The following SIPA1L3 variants were observed in gnomAD, a reference collection of about 807,000 sequenced individuals.
The protein encoded by SIPA1L3 is signal-induced proliferation-associated 1-like protein 3.
SIPA1L3 carries 59 observed loss-of-function variants against 150.1 expected under a neutral mutation model. The ratio of observed to expected loss-of-function variants is 0.39; its 90% confidence interval spans 0.32 to 0.49. The LOEUF (loss-of-function observed/expected upper bound fraction) is 0.49. Among genes scored for constraint, SIPA1L3 ranks in the 20% least tolerant of loss-of-function variants. SIPA1L3 has a pLI of 0.86. For missense variants in SIPA1L3, 2,211 were observed against 2,489.5 expected (o/e 0.89, Z 2.38); for synonymous variants, 1,070 against 1,077.6 (o/e 0.99, Z 0.14).
chr19:38,081,318 T>C lies in SIPA1L3; in HGVS notation c.-248T>C. ...GGGCGACCACAGCTACTGCCTGCTCTGCGCTACTGAGCCACTCGGTCTGGA... is the reference window on the plus strand; with the variant it reads ...GGGCGACCACAGCTACTGCCTGCTCCGCGCTACTGAGCCACTCGGTCTGGA... On this transcript the variant is annotated 5_prime_UTR_variant, in exon 3 of 22. Coordinates refer to ENST00000222345, the MANE Select transcript of SIPA1L3 (RefSeq NM_015073.3). 1 of 462,158 alleles carries C rather than the reference T, an allele frequency of 2.2e-6. No homozygotes were observed. 28.6% of individuals were successfully genotyped at this position (462,158 alleles called of 1,614,324 possible). A position where few individuals can be genotyped will look rare whatever the true frequency, so the allele number is the denominator to read the frequency against.
At chr19:37,949,544 A>C (rs2037238079) in intron 1 of SIPA1L3, among the ~76,000 whole-genome samples, 1 of 152,246 alleles carries the variant, frequency 6.6e-6, no homozygotes, top group Admixed American at 6.5e-5. Context: ...GCACGCCTGT[A>C]ATCCCAGCTA....
chr19:38,030,924 A>G (rs1306851635), intron 2 of SIPA1L3, among the ~76,000 whole-genome samples: 1 of 152,090 alleles, frequency 6.6e-6, no homozygotes, highest in Non-Finnish European at 1.5e-5. Flanking sequence ...TGTGGCATTC[A>G]GACCCTGGAT....
Position 38,156,990 on chromosome 19 carries a change from C to G in SIPA1L3, c.3661+4023C>G, listed in dbSNP as rs576489873. On this transcript the variant is annotated intron_variant, in intron 13 of 21. Coordinates refer to ENST00000222345, the MANE Select transcript of SIPA1L3 (RefSeq NM_015073.3). The stretch of plus-strand genomic sequence containing the variant: ...CCAGCGTGGGCAACCTAGTGGGACT[C>G]TGCCTCTACAAAAAATAAAAAAATA... Among the ~76,000 whole-genome samples the G allele has an allele frequency of 2.6e-5, 4 of 151,932 alleles. No individual in the cohort carries two copies. In the South Asian group the frequency reaches 8.3e-4, roughly 32 times the overall value.
At chr19:37,992,299 C>T (rs983350367) in intron 1 of SIPA1L3, among the ~76,000 whole-genome samples, 1 of 152,120 alleles carries the variant, frequency 6.6e-6, no homozygotes, top group African/African-American at 2.4e-5. Flanking sequence ...TCATAATGCA[C>T]AATTAAGAAT....
intron 16 of SIPA1L3, among the ~76,000 whole-genome samples, chr19:38,189,453 G>T (rs372280972): frequency 1.3e-5 from 2 of 151,744 alleles, no homozygotes; most frequent in African/African-American, 2.4e-5. Flanking sequence ...CAATAGTTCC[G>T]TATCAGTGTG....
chr19:38,160,178 A>AT (rs1474273725), intron 13 of SIPA1L3, among the ~76,000 whole-genome samples: 6 of 142,862 alleles, frequency 4.2e-5, no homozygotes, highest in Non-Finnish European at 9.3e-5. Flanking sequence ...CACCCAGCTA[A>AT]TTTTTTTGTA....
At chr19:38,159,946 A>G (rs991584145) in intron 13 of SIPA1L3, among the ~76,000 whole-genome samples, 1 of 152,226 alleles carries the variant, frequency 6.6e-6, no homozygotes, top group Non-Finnish European at 1.5e-5. Flanking sequence ...TGTAATTTCC[A>G]TAGATAATAT....
intron 16 of SIPA1L3, among the ~76,000 whole-genome samples, chr19:38,187,973 G>A (rs2146036033): frequency 6.6e-6 from 1 of 151,720 alleles, no homozygotes; most frequent in Admixed American, 6.6e-5. Flanking sequence ...TCTAGCCTGG[G>A]CGACAGAGTG....
chr19:37,963,958 G>T (rs1172192425), intron 1 of SIPA1L3: 1 of 151,976 alleles, frequency 6.6e-6, no homozygotes, highest in Non-Finnish European at 1.5e-5. Flanking sequence ...TTACTTTTTA[G>T]TATGAACAAT....
chr19:37,948,146 G>A (rs1007045319), intron 1 of SIPA1L3, among the ~76,000 whole-genome samples: 5 of 152,308 alleles, frequency 3.3e-5, no homozygotes, highest in Admixed American at 2.6e-4. Flanking sequence ...CAGGGAAGAC[G>A]CTGACATCAA....
intron 1 of SIPA1L3, among the ~76,000 whole-genome samples, chr19:37,998,402 T>C (rs547374396): frequency 7.2e-5 from 11 of 152,330 alleles, no homozygotes; most frequent in Middle Eastern, 3.4e-3. Context: ...CCTAATATTA[T>C]GGACATGTAA....
intron 2 of SIPA1L3, among the ~76,000 whole-genome samples, chr19:38,069,709 G>A (rs1274478656): frequency 6.6e-6 from 1 of 151,844 alleles, no homozygotes; most frequent in Non-Finnish European, 1.5e-5. Context: ...CTGTCTCCCA[G>A]GCTGGAGTGC....
In SIPA1L3 at chr19:38,119,699, G is replaced by A. The variant is rs1348558616; in HGVS notation, c.2685G>A (p.Glu895=). The change falls in exon 9 of 22, where the codon GAG becomes GAA. Residue 895 remains glutamate, a synonymous_variant. Transcript: ENST00000222345. Reference sequence around the variant, plus strand: ...ACTGCATTTTGGGAATTTCCAATGAGTTTGTGGTGCTCCTGGACTTACGCA... The same window carrying A: ...ACTGCATTTTGGGAATTTCCAATGAATTTGTGGTGCTCCTGGACTTACGCA... ...EIDCILGISN[E]FVVLLDLRTK... 2 of 1,614,222 alleles carry A rather than the reference G, an allele frequency of 1.2e-6. No individual in the cohort carries two copies. The highest frequency in any genetic ancestry group is 1.7e-6 in the Non-Finnish European group (2 of 1,180,034).
At chr19:38,143,690 C>T (rs1009115947) in intron 12 of SIPA1L3, among the ~76,000 whole-genome samples, 2 of 152,012 alleles carry the variant, frequency 1.3e-5, no homozygotes, top group Admixed American at 1.3e-4. Flanking sequence ...AGGCTCTCGC[C>T]ACCACGCCCA....
intron 9 of SIPA1L3, among the ~76,000 whole-genome samples, chr19:38,124,040 A>C (rs1381963266): frequency 5.1e-5 from 7 of 137,550 alleles, no homozygotes; most frequent in African/African-American, 1.9e-4. Flanking sequence ...ACCTCCCAGT[A>C]GGGGCGGCTG....
At chr19:38,169,617 G>A (rs1972283464) in intron 15 of SIPA1L3, among the ~76,000 whole-genome samples, 1 of 152,240 alleles carries the variant, frequency 6.6e-6, no homozygotes, top group African/African-American at 2.4e-5. Flanking sequence ...CTTGAAGACT[G>A]CCTGTCAGAA....
chr19:38,054,293 A>T (rs979676581), intron 2 of SIPA1L3, among the ~76,000 whole-genome samples: 3 of 150,690 alleles, frequency 2.0e-5, no homozygotes, highest in Non-Finnish European at 4.4e-5. Flanking sequence ...CCTGTGAGTT[A>T]TGTCTAGTTT....
At chr19:38,011,304 C>T (rs1428000404) in intron 1 of SIPA1L3, among the ~76,000 whole-genome samples, 1 of 151,982 alleles carries the variant, frequency 6.6e-6, no homozygotes, top group Non-Finnish European at 1.5e-5. Context: ...GTGAAACCCC[C>T]TCTCTACAAA....
chr19:37,953,953 C>T (rs1184655986), intron 1 of SIPA1L3, among the ~76,000 whole-genome samples: 1 of 152,158 alleles, frequency 6.6e-6, no homozygotes, highest in African/African-American at 2.4e-5. Flanking sequence ...TGTATACCTC[C>T]TTGTACACTG....
Sources: gnomAD v4.1 joint callset for allele counts (sites outside exome capture counted in the v4.1 genomes callset) on GRCh38, gnomAD v4.1.1 for gene constraint, MANE v1.5 for transcripts, NCBI Gene and HGNC (gene_info 2026-07-23, HGNC 2026-07-21) for gene names.